ARHGAP32: variants seen among roughly 807,000 people sequenced by gnomAD.
ARHGAP32 encodes Rho GTPase activating protein 32.
A neutral mutation model predicts 186.5 loss-of-function variants in ARHGAP32; 51 were observed. The ratio of observed to expected loss-of-function variants is 0.27; its 90% confidence interval spans 0.22 to 0.35. The LOEUF is 0.35. ARHGAP32 is among the 10% of genes least tolerant of loss of function. The pLI, the probability that ARHGAP32 is intolerant of heterozygous loss-of-function variation, is 1.00. For missense variants in ARHGAP32, 2,186 were observed against 2,623.5 expected (o/e 0.83, Z 3.64); for synonymous variants, 950 against 964.3 (o/e 0.99, Z 0.27).
At chr11:129,038,888 G>GAAAAAAAAAAAAAAAAAAAA (rs56810685) in intron 11 of ARHGAP32, among the ~76,000 whole-genome samples, 11 of 92,184 alleles carry the variant, frequency 1.2e-4, no homozygotes, top group South Asian at 4.0e-4. Flanking sequence ...ACCCTGTCTC[G>GAAAAAAAAAAAAAAAAAAAA]AAAAAAAAAA....
intron 5 of ARHGAP32, among the ~76,000 whole-genome samples, chr11:129,111,760 T>C (rs1410996875): frequency 6.6e-6 from 1 of 152,054 alleles, no homozygotes; most frequent in Non-Finnish European, 1.5e-5. Context: ...CTTTTATTTT[T>C]TCCCCCTTTC....
At chr11:129,265,542 C>G (rs1191324408) in intron 1 of ARHGAP32, among the ~76,000 whole-genome samples, 1 of 152,150 alleles carries the variant, frequency 6.6e-6, no homozygotes, top group Non-Finnish European at 1.5e-5. Context: ...GCAAAAAGAC[C>G]TGGATTTAAA....
intron 5 of ARHGAP32, among the ~76,000 whole-genome samples, chr11:129,122,719 C>G (rs554974309): frequency 6.6e-6 from 1 of 152,018 alleles, no homozygotes; most frequent in Non-Finnish European, 1.5e-5. Flanking sequence ...AGTCATGTCT[C>G]AGGAGTTTTC....
At chr11:129,221,987 T>G in intron 1 of ARHGAP32, among the ~76,000 whole-genome samples, 1 of 152,226 alleles carries the variant, frequency 6.6e-6, no homozygotes, top group Non-Finnish European at 1.5e-5. Flanking sequence ...ATTGTGAATA[T>G]GCAGGACCCA....
At chr11:129,171,627 T>A (rs1266550861) in intron 1 of ARHGAP32, among the ~76,000 whole-genome samples, 1 of 152,206 alleles carries the variant, frequency 6.6e-6, no homozygotes, top group East Asian at 1.9e-4. Flanking sequence ...TTTGTTCTTT[T>A]TGCTTAGGAT....
intron 1 of ARHGAP32, among the ~76,000 whole-genome samples, chr11:129,198,936 C>T (rs1338295205): frequency 6.6e-6 from 1 of 152,128 alleles, no homozygotes; most frequent in Non-Finnish European, 1.5e-5. Context: ...ACAATGAAAT[C>T]CAGGCTGAAG....
At chr11:129,187,949 T>G (rs1369930182) in intron 1 of ARHGAP32, among the ~76,000 whole-genome samples, 1 of 152,050 alleles carries the variant, frequency 6.6e-6, no homozygotes, top group Non-Finnish European at 1.5e-5. Context: ...GTGGTTTTTT[T>G]GTTTGTTGAG....
chr11:129,132,702 T>C (rs1942839262), intron 2 of ARHGAP32, among the ~76,000 whole-genome samples: 1 of 152,180 alleles, frequency 6.6e-6, no homozygotes, highest in South Asian at 2.1e-4. Context: ...TTACTAGCTA[T>C]ATCAAAAACC....
intron 12 of ARHGAP32, among the ~76,000 whole-genome samples, chr11:128,988,359 T>C (rs1317697683): frequency 2.6e-5 from 4 of 152,214 alleles, no homozygotes; most frequent in African/African-American, 9.7e-5. Context: ...TCATGATATT[T>C]AAGTGAGTAA....
intron 2 of ARHGAP32, among the ~76,000 whole-genome samples, chr11:129,127,624 CTACA>C (rs1684386937): frequency 6.6e-6 from 1 of 151,868 alleles, no homozygotes; most frequent in South Asian, 2.1e-4. Flanking sequence ...ATATTTTCAC[CTACA>C]TATTTTAAAA....
intron 2 of ARHGAP32, among the ~76,000 whole-genome samples, chr11:129,129,514 C>T (rs1243037287): frequency 6.6e-6 from 1 of 152,010 alleles, no homozygotes; most frequent in Non-Finnish European, 1.5e-5. Flanking sequence ...TCTGCCCGGC[C>T]GCCACCTGTC....
intron 14 of ARHGAP32, 116 bp downstream of exon 14, chr11:128,986,408 G>A: frequency 8.9e-7 from 1 of 1,125,394 alleles, no homozygotes; most frequent in Non-Finnish European, 1.3e-6. Context: ...TTTTTAAGGA[G>A]TCATTTCAGT....
At position 128,975,008 on chromosome 11, in the gene ARHGAP32, A is replaced by G. The variant is rs1334182079; in HGVS notation, c.2195-6T>C. On this transcript the variant is annotated splice_polypyrimidine_tract_variant and splice_region_variant and intron_variant, in intron 20 of 22. Coordinates refer to ENST00000682385, the MANE Select transcript of ARHGAP32 (RefSeq NM_001378024.1). ...TCGGAAGAGCTTAGAATCACCTGGAAAAAATGAATAACAGTGTCAAAGTAA... is the reference window on the plus strand; with the variant it reads ...TCGGAAGAGCTTAGAATCACCTGGAGAAAATGAATAACAGTGTCAAAGTAA... The G allele has an allele frequency of 6.3e-7, 1 of 1,591,956 alleles. No individual in the cohort carries two copies. The highest frequency in any genetic ancestry group is 2.2e-5 in the East Asian group (1 of 44,804).
At chr11:129,182,406 T>A (rs573538987) in intron 1 of ARHGAP32, among the ~76,000 whole-genome samples, 1 of 152,272 alleles carries the variant, frequency 6.6e-6, no homozygotes, top group East Asian at 1.9e-4. Flanking sequence ...ATCTGTAATA[T>A]GAGTTTCAGG....
intron 2 of ARHGAP32, among the ~76,000 whole-genome samples, chr11:129,163,434 T>C (rs1045243599): frequency 6.6e-6 from 1 of 152,160 alleles, no homozygotes; most frequent in African/African-American, 2.4e-5. Flanking sequence ...TTTTTCCACC[T>C]ATCCCCCAAC....
chr11:129,199,308 T>TG (rs1421489782), intron 1 of ARHGAP32, among the ~76,000 whole-genome samples: 1 of 152,046 alleles, frequency 6.6e-6, no homozygotes, highest in African/African-American at 2.4e-5. Context: ...ACCAAGACAA[T>TG]GGGGAAAATG....
chr11:129,276,719 A>C (rs970495834), intron 1 of ARHGAP32, among the ~76,000 whole-genome samples: 17 of 152,256 alleles, frequency 1.1e-4, no homozygotes, highest in African/African-American at 3.9e-4. Context: ...AATACTTTAC[A>C]TATTTAAAAA....
At chr11:129,234,411 T>G (rs987179033) in intron 1 of ARHGAP32, among the ~76,000 whole-genome samples, 1 of 152,066 alleles carries the variant, frequency 6.6e-6, no homozygotes, top group African/African-American at 2.4e-5. Flanking sequence ...CTACTATATA[T>G]TTTTCCTTAA....
rs1320257043 is a variant in ARHGAP32, at chr11:129,245,098, G to T, written c.-5+34048C>A. Among the ~76,000 whole-genome samples the T allele has an allele frequency of 4.0e-5, 6 of 150,548 alleles. No individual in the cohort carries two copies. The East Asian group carries it at 1.2e-3, about 29-fold the overall frequency. On this transcript the variant is annotated intron_variant, in intron 1 of 6. Transcript: ENST00000525234. ...ATTTGACCCAGCCATCCCATTACTGGGTATATACCCAAAGGATTATAAATC... is the reference window on the plus strand; with the variant it reads ...ATTTGACCCAGCCATCCCATTACTGTGTATATACCCAAAGGATTATAAATC...
Sources: allele counts gnomAD v4.1 joint callset (sites outside exome capture counted in the v4.1 genomes callset), GRCh38; gene constraint gnomAD v4.1.1; transcripts MANE v1.5; gene names NCBI Gene and HGNC (gene_info 2026-07-23, HGNC 2026-07-21).